Variants in NUFIP1 observed in about 807,000 individuals in gnomAD.
The protein encoded by NUFIP1 is FMR1-interacting protein NUFIP1.
NUFIP1 carries 38 observed loss-of-function variants against 56.2 expected under a neutral mutation model. The ratio of observed to expected loss-of-function variants is 0.68; its 90% CI spans 0.52 to 0.89. The LOEUF is 0.89. Among genes scored for constraint, NUFIP1 ranks in the 40% least tolerant of loss-of-function variants. The pLI, the probability that NUFIP1 is intolerant of heterozygous loss-of-function variation, is 0.00. For synonymous variants in NUFIP1, 215 were observed against 212.4 expected (o/e 1.01, Z -0.10); for missense variants, 567 against 605.8 (o/e 0.94, Z 0.67).
At chr13:44,948,190 T>A (rs1870961174) in intron 8 of NUFIP1, among the ~76,000 whole-genome samples, 1 of 145,200 alleles carries the variant, frequency 6.9e-6, no homozygotes, top group African/African-American at 2.7e-5. Flanking sequence ...TCACCCGGGC[T>A]GGAGTACAGT....
chr13:44,968,855 T>C (rs1390695143), intron 5 of NUFIP1, among the ~76,000 whole-genome samples: 1 of 152,182 alleles, frequency 6.6e-6, no homozygotes, highest in Admixed American at 6.5e-5. Flanking sequence ...TTAAACTTGT[T>C]ATAGCAAGTG....
chr13:44,949,403 G>A (rs1349898086), intron 8 of NUFIP1, among the ~76,000 whole-genome samples: 2 of 150,984 alleles, frequency 1.3e-5, no homozygotes, highest in African/African-American at 2.4e-5. Context: ...GGGTTTCACC[G>A]TTTTAGCCGG....
At chr13:44,976,878 C>T (rs556311203) in intron 5 of NUFIP1, among the ~76,000 whole-genome samples, 12 of 152,248 alleles carry the variant, frequency 7.9e-5, no homozygotes, top group Non-Finnish European at 1.6e-4. Context: ...GATAACAAGC[C>T]CACTCCCTTG....
At chr13:44,948,141 CTTTTTTT>C (rs61398364) in intron 8 of NUFIP1, among the ~76,000 whole-genome samples, 1 of 120,858 alleles carries the variant, frequency 8.3e-6, no homozygotes, top group Non-Finnish European at 1.6e-5. Flanking sequence ...ACTACATTTC[CTTTTTTT>C]TTTTTTTTTT....
At chr13:44,973,767 G>A (rs1259364729) in intron 5 of NUFIP1, among the ~76,000 whole-genome samples, 1 of 152,222 alleles carries the variant, frequency 6.6e-6, no homozygotes, top group Non-Finnish European at 1.5e-5. Flanking sequence ...GATTTCAGAT[G>A]AGCTAAGAGC....
chr13:44,989,456 T>C lies in NUFIP1; in HGVS notation c.-20A>G, dbSNP rs369652331. The C allele has an allele frequency of 1.9e-6, 3 of 1,609,434 alleles. No individual in the cohort carries two copies. Among genetic ancestry groups the C allele is most frequent in the African/African-American group, 1.3e-5 (1 of 74,480 alleles). On this transcript the variant is annotated 5_prime_UTR_variant, in exon 1 of 10. Transcript: ENST00000379161. ...AGCCATACCACTGGCGGGTCCGGAGTCTAGCACGCGACTGTGGAGCAAGCA... is the reference window on the plus strand; with the variant it reads ...AGCCATACCACTGGCGGGTCCGGAGCCTAGCACGCGACTGTGGAGCAAGCA...
intron 4 of NUFIP1, 27 bp downstream of exon 4, chr13:44,979,863 A>C: frequency 6.5e-7 from 1 of 1,534,622 alleles, no homozygotes; most frequent in Non-Finnish European, 8.9e-7. Context: ...CATGTATTTA[A>C]AAATAGGATA....
At chr13:44,962,404 T>A (rs906635411) in intron 6 of NUFIP1, among the ~76,000 whole-genome samples, 1 of 152,258 alleles carries the variant, frequency 6.6e-6, no homozygotes, top group East Asian at 1.9e-4. Flanking sequence ...TCTACTTATC[T>A]ATTTATCCTT....
chr13:44,965,807 T>G (rs1338616409), intron 6 of NUFIP1, 37 bp downstream of exon 6: 47 of 1,247,054 alleles, frequency 3.8e-5, no homozygotes, highest in Non-Finnish European at 4.7e-5. Flanking sequence ...TTTTGTTTTG[T>G]GCTCCTTTTC....
intron 1 of NUFIP1, among the ~76,000 whole-genome samples, chr13:44,982,499 A>C (rs1205215663): frequency 6.6e-6 from 1 of 152,192 alleles, no homozygotes; most frequent in Admixed American, 6.5e-5. Flanking sequence ...TCAATTTCGC[A>C]CCAGGAAAAC....
At chr13:44,952,765 C>A (rs942235550) in intron 7 of NUFIP1, among the ~76,000 whole-genome samples, 1 of 152,160 alleles carries the variant, frequency 6.6e-6, no homozygotes. Context: ...GTAATTTCAC[C>A]AGCTTTTCCA....
chr13:44,971,730 G>T (rs1419965849), intron 5 of NUFIP1, among the ~76,000 whole-genome samples: 9 of 152,176 alleles, frequency 5.9e-5, no homozygotes, highest in Non-Finnish European at 1.2e-4. Context: ...AGTGAAAAGG[G>T]GGGAAACTAG....
At chr13:44,947,079 TAAAAG>T (rs1851949828) in intron 8 of NUFIP1, among the ~76,000 whole-genome samples, 1 of 152,132 alleles carries the variant, frequency 6.6e-6, no homozygotes, top group Non-Finnish European at 1.5e-5. Context: ...TTGTTATCTA[TAAAAG>T]AAAAGTCTAC....
At chr13:44,984,623 C>T (rs185986837) in intron 1 of NUFIP1, among the ~76,000 whole-genome samples, 1 of 152,182 alleles carries the variant, frequency 6.6e-6, no homozygotes, top group East Asian at 1.9e-4. Flanking sequence ...GCCTGGGTGA[C>T]AGCAAGAGAC....
chr13:44,965,546 T>A (rs1871567969), intron 6 of NUFIP1, among the ~76,000 whole-genome samples: 1 of 151,888 alleles, frequency 6.6e-6, no homozygotes, highest in Admixed American at 6.6e-5. Flanking sequence ...ATACAAAAAT[T>A]AGCTGGGCGT....
Position 44,961,607 on chromosome 13 carries a change from G to A in NUFIP1, c.828-2033C>T, listed in dbSNP as rs146514428. Among the ~76,000 whole-genome samples, 552 of 152,212 alleles carry A rather than the reference G, an allele frequency of 3.6e-3. 2 individuals carry two copies. Among genetic ancestry groups the A allele is most frequent in the African/African-American group, 0.012 (514 of 41,530 alleles). The stretch of plus-strand genomic sequence containing the variant: ...TTACAAAAATTAATATATATGTATA[G>A]TCCAAATTTTGCAGAAAGCCATGGA... On this transcript the variant is annotated intron_variant, in intron 6 of 9. Transcript: ENST00000379161.
chr13:44,949,756 A>G lies in NUFIP1; in HGVS notation c.1104T>C (p.Tyr368=), dbSNP rs764863328. Residue 368 remains tyrosine (Y), a synonymous_variant, in exon 8 of 10, where the codon TAT becomes TAC. Coordinates refer to ENST00000379161, the MANE Select transcript of NUFIP1 (RefSeq NM_012345.3). ...TPALCSLMSS[Y]GSLSGSESEP... The stretch of plus-strand genomic sequence containing the variant: ...CACTCTCTGACCCTGAAAGACTGCC[A>G]TAGCTACTCATTAGTGAGCATAGGG... 1 of 1,613,286 alleles carries G rather than the reference A, an allele frequency of 6.2e-7. No individual in the cohort carries two copies. Among genetic ancestry groups the G allele is most frequent in the South Asian group, 1.1e-5 (1 of 90,872 alleles).
intron 8 of NUFIP1, among the ~76,000 whole-genome samples, chr13:44,948,550 T>C (rs989429762): frequency 3.9e-5 from 6 of 152,226 alleles, no homozygotes; most frequent in African/African-American, 1.2e-4. Flanking sequence ...TCCTGAGACA[T>C]AGACATGAAT....
intron 6 of NUFIP1, among the ~76,000 whole-genome samples, chr13:44,965,402 T>C (rs1280734118): frequency 6.6e-6 from 1 of 152,158 alleles, no homozygotes; most frequent in Non-Finnish European, 1.5e-5. Flanking sequence ...GTGTCAAGTA[T>C]CCAATCAAAA....
Sources: allele counts gnomAD v4.1 joint callset (sites outside exome capture counted in the v4.1 genomes callset), GRCh38; gene constraint gnomAD v4.1.1; transcripts MANE v1.5; gene names NCBI Gene and HGNC (gene_info 2026-07-23, HGNC 2026-07-21).